The following TRIM69 variants were observed in gnomAD, a reference collection of about 807,000 sequenced individuals.
TRIM69 encodes tripartite motif containing 69.
TRIM69 carries 29 observed loss-of-function variants against 37.7 expected under a neutral mutation model. The ratio of observed to expected loss-of-function variants is 0.77; its 90% CI spans 0.57 to 1.05. The LOEUF is 1.05. TRIM69 is among the 50% of genes least tolerant of loss of function. TRIM69 has a pLI of 0.00. For synonymous variants in TRIM69, 209 were observed against 212.4 expected (o/e 0.98, Z 0.14); for missense variants, 596 against 579.9 (o/e 1.03, Z -0.28).
chr15:44,750,692 G>T (rs924054963), intron 1 of TRIM69, among the ~76,000 whole-genome samples: 1 of 142,902 alleles, frequency 7.0e-6, no homozygotes, highest in African/African-American at 2.7e-5. Flanking sequence ...CCAAAGAATC[G>T]CATTTTTATT....
At chr15:44,761,897 AC>A (rs1383723773) in intron 6 of TRIM69, among the ~76,000 whole-genome samples, 1 of 152,196 alleles carries the variant, frequency 6.6e-6, no homozygotes, top group African/African-American at 2.4e-5. Context: ...TGTAAAGGAT[AC>A]AAATCCTTTA....
chr15:44,759,941 G>T, intron 6 of TRIM69, 69 bp downstream of exon 6: 1 of 1,545,954 alleles, frequency 6.5e-7, no homozygotes. Flanking sequence ...GACTTCTTCT[G>T]TGGCCCTAAT....
chr15:44,762,998 C>T (rs1487988578), intron 6 of TRIM69, among the ~76,000 whole-genome samples: 2 of 152,060 alleles, frequency 1.3e-5, no homozygotes, highest in Non-Finnish European at 2.9e-5. Flanking sequence ...TATGCCCCAT[C>T]CTCACTTTTC....
intron 1 of TRIM69, among the ~76,000 whole-genome samples, chr15:44,744,158 G>C (rs2087352107): frequency 6.6e-6 from 1 of 151,224 alleles, no homozygotes; most frequent in African/African-American, 2.4e-5. Context: ...CCTTTTTAGG[G>C]ACATGGATGA....
At chr15:44,763,688 A>G (rs886855057) in intron 6 of TRIM69, among the ~76,000 whole-genome samples, 1 of 152,162 alleles carries the variant, frequency 6.6e-6, no homozygotes, top group African/African-American at 2.4e-5. Context: ...TGATGAATTC[A>G]TATTGGTGAA....
At chr15:44,740,830 C>A (rs1341656715) in intron 1 of TRIM69, among the ~76,000 whole-genome samples, 1 of 151,988 alleles carries the variant, frequency 6.6e-6, no homozygotes, top group Non-Finnish European at 1.5e-5. Flanking sequence ...TCCTGAGTGA[C>A]CTACAAAGAG....
At chr15:44,758,481 TG>T (rs1173280140) in intron 3 of TRIM69, 139 bp from the exon 4 acceptor site, 1 of 1,254,134 alleles carries the variant, frequency 8.0e-7, no homozygotes, top group Non-Finnish European at 1.1e-6. Context: ...TTAGTATGAC[TG>T]AATTTGATAT....
At chr15:44,743,945 C>G (rs1385791063) in intron 1 of TRIM69, among the ~76,000 whole-genome samples, 1 of 152,120 alleles carries the variant, frequency 6.6e-6, no homozygotes, top group East Asian at 1.9e-4. Context: ...ACCCAGCAAT[C>G]CCATTACAGG....
intron 1 of TRIM69, among the ~76,000 whole-genome samples, chr15:44,744,197 AT>A (rs1190268316): frequency 6.7e-6 from 1 of 149,676 alleles, no homozygotes; most frequent in Non-Finnish European, 1.5e-5. Context: ...TCAGTAAACT[AT>A]TGCAAGGACA....
chr15:44,750,470 G>C (rs1566892923), intron 1 of TRIM69, among the ~76,000 whole-genome samples: 1 of 151,940 alleles, frequency 6.6e-6, no homozygotes, highest in Non-Finnish European at 1.5e-5. Flanking sequence ...AGTCAGTTTT[G>C]GTAGTTGGTG....
At chr15:44,752,392 G>T (rs1236297113) in intron 1 of TRIM69, among the ~76,000 whole-genome samples, 1 of 152,032 alleles carries the variant, frequency 6.6e-6, no homozygotes, top group East Asian at 1.9e-4. Context: ...CTTGTAACAA[G>T]TTTAACAATT....
intron 1 of TRIM69, among the ~76,000 whole-genome samples, chr15:44,738,468 T>C (rs2087212291): frequency 6.6e-6 from 1 of 152,190 alleles, no homozygotes; most frequent in Admixed American, 6.5e-5. Flanking sequence ...TGCCTTAAGG[T>C]TAGACTTCTT....
At chr15:44,739,709 G>A (rs1201878121) in intron 1 of TRIM69, among the ~76,000 whole-genome samples, 2 of 152,010 alleles carry the variant, frequency 1.3e-5, no homozygotes, top group Admixed American at 6.5e-5. Context: ...GCTTGCTTAG[G>A]TAAACAAAGC....
chr15:44,739,732 C>T (rs1388225048), intron 1 of TRIM69, among the ~76,000 whole-genome samples: 2 of 151,898 alleles, frequency 1.3e-5, no homozygotes, highest in East Asian at 1.9e-4. Context: ...CCGGGAAGCT[C>T]GAACTGGGTG....
rs1332709725 is a variant in TRIM69 at position 44,752,242 on chromosome 15, A to G, written c.7-2658A>G. On this transcript the variant is annotated intron_variant, in intron 1 of 6. Coordinates refer to ENST00000329464, the MANE Select transcript of TRIM69 (RefSeq NM_182985.5). ...ATATTTTGTACGATTTTTTAGAACTATTTCTATCTTCACATCTGTCTCTTT... is the reference window on the plus strand; with the variant it reads ...ATATTTTGTACGATTTTTTAGAACTGTTTCTATCTTCACATCTGTCTCTTT... Among the ~76,000 whole-genome samples the G allele has an allele frequency of 3.9e-5, 6 of 152,084 alleles. No homozygotes were observed. In the East Asian group the frequency reaches 1.2e-3, roughly 29 times the overall value.
At chr15:44,743,474 T>G (rs1377125615) in intron 1 of TRIM69, among the ~76,000 whole-genome samples, 1 of 152,086 alleles carries the variant, frequency 6.6e-6, no homozygotes, top group Non-Finnish European at 1.5e-5. Context: ...GCGATCTAAT[T>G]AAACTAAAGA....
chr15:44,767,105 C>T (rs1457675790), intron 6 of TRIM69, 126 bp from the exon 7 acceptor site: 1 of 216,694 alleles, frequency 4.6e-6, no homozygotes, highest in Non-Finnish European at 8.9e-6. Flanking sequence ...AATTGCTTGC[C>T]TGTCTAAGAG....
At chr15:44,750,032 A>G (rs2087486406) in intron 1 of TRIM69, among the ~76,000 whole-genome samples, 1 of 152,184 alleles carries the variant, frequency 6.6e-6, no homozygotes, top group South Asian at 2.1e-4. Context: ...TCTTCTTTGC[A>G]TAATTGTCTA....
chr15:44,765,471 T>C (rs1464894370), intron 6 of TRIM69, among the ~76,000 whole-genome samples: 1 of 152,190 alleles, frequency 6.6e-6, no homozygotes, highest in African/African-American at 2.4e-5. Flanking sequence ...CTTCAAAGCC[T>C]CTTGTTGGAA....
Sources: gnomAD v4.1 joint callset for allele counts (sites outside exome capture counted in the v4.1 genomes callset) on GRCh38, gnomAD v4.1.1 for gene constraint, MANE v1.5 for transcripts, NCBI Gene and HGNC (gene_info 2026-07-23, HGNC 2026-07-21) for gene names.